The following DAP variants were observed in gnomAD, a reference collection of about 807,000 sequenced individuals.
The protein encoded by DAP is death-associated protein 1.
DAP carries 8 observed loss-of-function variants against 13.8 expected under a neutral mutation model. The ratio of observed to expected loss-of-function variants is 0.58; its 90% CI spans 0.34 to 1.05. The LOEUF is 1.05. Among genes scored for constraint, DAP ranks in the 50% least tolerant of loss-of-function variants. DAP has a pLI of 0.03. For missense variants in DAP, 106 were observed against 133.2 expected (o/e 0.80, Z 1.01); for synonymous variants, 47 against 47.5 (o/e 0.99, Z 0.04).
chr5:10,739,619 T>C (rs1426759495), intron 2 of DAP, among the ~76,000 whole-genome samples: 1 of 152,146 alleles, frequency 6.6e-6, no homozygotes, highest in Non-Finnish European at 1.5e-5. Context: ...TGAAGTCCAA[T>C]GGCAGGGCAG....
intron 2 of DAP, among the ~76,000 whole-genome samples, chr5:10,694,566 C>T (rs1241763138): frequency 6.6e-6 from 1 of 152,140 alleles, no homozygotes; most frequent in African/African-American, 2.4e-5. Context: ...CTGGGCCGCA[C>T]CTCAAATCAA....
At chr5:10,740,440 G>A (rs1739727770) in intron 2 of DAP, among the ~76,000 whole-genome samples, 1 of 152,208 alleles carries the variant, frequency 6.6e-6, no homozygotes, top group Admixed American at 6.5e-5. Flanking sequence ...AAAATGCTCA[G>A]TGAATCCCAA....
At chr5:10,683,755 T>C (rs934315683) in intron 2 of DAP, among the ~76,000 whole-genome samples, 184 bp from the exon 3 acceptor site, 19 of 152,190 alleles carry the variant, frequency 1.2e-4, no homozygotes, top group Non-Finnish European at 2.6e-4. Context: ...CTCCTTCTCC[T>C]GAGGCTAGTT....
chr5:10,694,165 G>A (rs1456200114), intron 2 of DAP, among the ~76,000 whole-genome samples: 1 of 152,146 alleles, frequency 6.6e-6, no homozygotes, highest in Non-Finnish European at 1.5e-5. Context: ...ATTCGAGGCA[G>A]CCGACAGGGC....
intron 1 of DAP, among the ~76,000 whole-genome samples, chr5:10,748,648 C>CT (rs1241023435): frequency 3.3e-5 from 5 of 152,200 alleles, no homozygotes; most frequent in Non-Finnish European, 7.3e-5. Context: ...GTGAAATTTA[C>CT]TTTCTCAAAT....
intron 2 of DAP, among the ~76,000 whole-genome samples, chr5:10,721,492 C>T (rs1350854972): frequency 6.6e-6 from 1 of 152,136 alleles, no homozygotes; most frequent in African/African-American, 2.4e-5. Context: ...GACCCAGACT[C>T]TCTAGATGAA....
chr5:10,712,931 G>T (rs983931288), intron 2 of DAP, among the ~76,000 whole-genome samples: 1 of 152,084 alleles, frequency 6.6e-6, no homozygotes, highest in Admixed American at 6.5e-5. Flanking sequence ...ATTGAAGTGG[G>T]GGAGGGAGAA....
At position 10,680,936 on chromosome 5, in the gene DAP, TG is replaced by T. The variant is rs1291494142; in HGVS notation, c.*119del. The T allele has an allele frequency of 1.6e-5, 24 of 1,539,624 alleles. No homozygotes were observed. Among genetic ancestry groups the T allele is most frequent in the Non-Finnish European group, 2.0e-5 (23 of 1,146,986 alleles). The stretch of plus-strand genomic sequence containing the variant: ...AATGTAAGGCAAAGGACAGAGCACT[TG>T]GTTTTGCCTTAGATTTCCCAGCAGA... On this transcript the variant is annotated 3_prime_UTR_variant, in exon 4 of 4. Transcript: ENST00000230895.
At chr5:10,691,119 CA>C (rs2126638964) in intron 2 of DAP, among the ~76,000 whole-genome samples, 1 of 152,188 alleles carries the variant, frequency 6.6e-6, no homozygotes, top group South Asian at 2.1e-4. Context: ...CTTTATGAAC[CA>C]AAAGTCGCCC....
intron 2 of DAP, among the ~76,000 whole-genome samples, chr5:10,741,197 T>A (rs879544629): frequency 1.1e-4 from 16 of 152,004 alleles, no homozygotes; most frequent in Admixed American, 7.9e-4. Flanking sequence ...CAAAAAAAAT[T>A]TAAAAATTTG....
At chr5:10,751,751 G>A (rs1369658338) in intron 1 of DAP, among the ~76,000 whole-genome samples, 2 of 152,166 alleles carry the variant, frequency 1.3e-5, no homozygotes, top group East Asian at 3.9e-4. Flanking sequence ...ACACCGGGTC[G>A]TGCACACACA....
At chr5:10,683,609 C>G (rs906767156) in intron 2 of DAP, 38 bp from the exon 3 acceptor site, 1 of 1,598,762 alleles carries the variant, frequency 6.3e-7, no homozygotes, top group Non-Finnish European at 8.6e-7. Flanking sequence ...TTTAACAAAA[C>G]AGTCCACAAC....
At chr5:10,729,284 A>G (rs1276129024) in intron 2 of DAP, among the ~76,000 whole-genome samples, 1 of 152,180 alleles carries the variant, frequency 6.6e-6, no homozygotes, top group Non-Finnish European at 1.5e-5. Context: ...TCTTATAATC[A>G]AACAAACTTT....
chr5:10,697,950 G>A (rs908014429), intron 2 of DAP, among the ~76,000 whole-genome samples: 2 of 152,132 alleles, frequency 1.3e-5, no homozygotes, highest in African/African-American at 2.4e-5. Flanking sequence ...ACAGAGCTAC[G>A]CATCTAGCAA....
chr5:10,681,099 T>C lies in DAP; in HGVS notation c.266A>G (p.His89Arg), dbSNP rs1323081999. Residue 89 changes from histidine (H) to arginine (R), a missense_variant, in exon 4 of 4, where the codon CAT becomes CGT. Physicochemically the swap from His to Arg is conservative, Grantham distance 29 (BLOSUM62 0). Transcript: ENST00000230895. ...GATGTGCTGGGTTCTTGGGGAAGGA[T>C]GCTTGTCCATGGAGGCATGCGGCTT... ...HQKPHASMDK[H>R]PSPRTQHIQQ... 7 of 1,590,852 alleles carry C rather than the reference T, an allele frequency of 4.4e-6. No homozygotes were observed. In the Admixed American group the frequency reaches 1.2e-4, roughly 28 times the overall value.
chr5:10,730,677 G>C (rs527542137), intron 2 of DAP, among the ~76,000 whole-genome samples: 16 of 124,804 alleles, frequency 1.3e-4, no homozygotes, highest in South Asian at 1.2e-3. Context: ...GAGCCCTGGT[G>C]GGGGGGAATC....
chr5:10,760,078 T>A lies in DAP; in HGVS notation c.55+936A>T, dbSNP rs945093001. ...CCAGGAATCTTTATTGTCAAGAAAA[T>A]GGCGCAAATGTGCCACCAAAAGAAG... On this transcript the variant is annotated intron_variant, in intron 1 of 3. Coordinates refer to ENST00000230895, the MANE Select transcript of DAP (RefSeq NM_004394.3). Among the ~76,000 whole-genome samples, 3 of 152,106 alleles carry A rather than the reference T, an allele frequency of 2.0e-5. No individual in the cohort carries two copies. In the South Asian group the frequency reaches 6.2e-4, roughly 32 times the overall value.
intron 2 of DAP, among the ~76,000 whole-genome samples, chr5:10,718,299 C>A (rs1021989589): frequency 1.3e-5 from 2 of 152,118 alleles, no homozygotes; most frequent in African/African-American, 2.4e-5. Flanking sequence ...GTGGGTCCAG[C>A]GGGTCCCTGG....
At chr5:10,752,974 C>T (rs1008671584) in intron 1 of DAP, among the ~76,000 whole-genome samples, 2 of 152,214 alleles carry the variant, frequency 1.3e-5, no homozygotes, top group Non-Finnish European at 2.9e-5. Flanking sequence ...CAGCTCTTCA[C>T]CCTCTCTTCA....
Sources: allele counts gnomAD v4.1 joint callset (sites outside exome capture counted in the v4.1 genomes callset), GRCh38; gene constraint gnomAD v4.1.1; transcripts MANE v1.5; gene names NCBI Gene and HGNC (gene_info 2026-07-23, HGNC 2026-07-21).